Variants in IPO11 observed in about 807,000 individuals in gnomAD.
IPO11 encodes importin 11.
In IPO11, 66 loss-of-function variants were observed where a neutral mutation model predicts 143.2. That is an observed-to-expected ratio of 0.46 (90% confidence interval 0.38 to 0.57). The LOEUF (loss-of-function observed/expected upper bound fraction) is 0.57. Among genes scored for constraint, IPO11 ranks in the 20% least tolerant of loss-of-function variants. The pLI, the probability that IPO11 is intolerant of heterozygous loss-of-function variation, is 0.00. For synonymous variants in IPO11, 385 were observed against 377.8 expected, an observed-to-expected ratio of 1.02 and a Z score of -0.22; for missense variants, 1,026 against 1,141.0, an observed-to-expected ratio of 0.90 and a Z score of 1.45.
chr5:62,497,343 C>T (rs73106001), intron 16 of IPO11, among the ~76,000 whole-genome samples: 2,566 of 152,214 alleles, frequency 0.017, 66 homozygotes, highest in African/African-American at 0.059. Flanking sequence ...GTAATATTTT[C>T]CACATATATT....
chr5:62,428,943 G>A (rs757764464), intron 1 of IPO11, among the ~76,000 whole-genome samples: 9 of 152,038 alleles, frequency 5.9e-5, no homozygotes, highest in Non-Finnish European at 1.0e-4. Context: ...CCGAGATTAC[G>A]CTTGCGCCAC....
At chr5:62,445,641 A>G (rs550964943) in intron 3 of IPO11, among the ~76,000 whole-genome samples, 6 of 152,142 alleles carry the variant, frequency 3.9e-5, no homozygotes, top group Non-Finnish European at 7.3e-5. Flanking sequence ...TTAACATGAG[A>G]TATTTATTAC....
chr5:62,543,761 C>A (rs1743045633), intron 24 of IPO11, among the ~76,000 whole-genome samples: 2 of 152,098 alleles, frequency 1.3e-5, no homozygotes, highest in Admixed American at 1.3e-4. Flanking sequence ...TTCTCTAGTT[C>A]TTTTAATTGT....
At chr5:62,487,037 T>C (rs1188925757) in intron 12 of IPO11, among the ~76,000 whole-genome samples, 2 of 152,170 alleles carry the variant, frequency 1.3e-5, no homozygotes, top group Admixed American at 1.3e-4. Flanking sequence ...TAAAAAATTA[T>C]TTTAAAAAAT....
chr5:62,437,471 A>T (rs998949002), intron 2 of IPO11, 54 bp downstream of exon 2: 5 of 1,497,080 alleles, frequency 3.3e-6, no homozygotes, highest in African/African-American at 2.8e-5. Flanking sequence ...AGACAACATT[A>T]ATTTGTTTTA....
rs1561322748 is a variant in IPO11, at chr5:62,467,200, G to A, written c.586G>A (p.Val196Ile). Residue 196 changes from valine (V) to isoleucine (I), a missense_variant, in exon 6 of 30, where the codon GTT (valine) becomes ATT (isoleucine). Physicochemically the swap from Val to Ile is conservative, Grantham distance 29. This residue lies in a region of IPO11 where 429 missense variants were observed against 456.3 expected (regional missense o/e 0.94). Coordinates refer to ENST00000325324, the MANE Select transcript of IPO11 (RefSeq NM_016338.5). ...NHHTDTFLQEVSSGNEAAILS... is the reference protein window; with the variant it reads ...NHHTDTFLQEISSGNEAAILS... ...CCACACAGACACATTCCTGCAAGAA[G>A]TTTCTTCTGGCAATGAAGCTGCAAT... The A allele has an allele frequency of 1.9e-6, 3 of 1,614,010 alleles. No individual in the cohort carries two copies. The highest frequency in any genetic ancestry group is 2.5e-6 in the Non-Finnish European group (3 of 1,179,950).
chr5:62,513,114 G>A (rs1211538226), intron 19 of IPO11, among the ~76,000 whole-genome samples: 402 of 149,780 alleles, frequency 2.7e-3, no homozygotes, highest in African/African-American at 9.0e-3. Context: ...CCTCCCAGAC[G>A]GGGTGGTGGC....
chr5:62,431,787 A>G (rs986947229), intron 1 of IPO11, among the ~76,000 whole-genome samples: 17 of 152,086 alleles, frequency 1.1e-4, no homozygotes, highest in African/African-American at 3.9e-4. Context: ...TTAAAAATAT[A>G]AAAGTTAGCC....
At position 62,485,342 on chromosome 5, in the gene IPO11, T is replaced by C. The variant is rs1746360314; in HGVS notation, c.1175-77T>C. The C allele has an allele frequency of 1.8e-5, 20 of 1,137,030 alleles. No individual in the cohort carries two copies. In the East Asian group the frequency reaches 4.5e-4, roughly 26 times the overall value. 70.4% of individuals were successfully genotyped at this position (1,137,030 alleles called of 1,614,324 possible). ...TGTTTAAAAGAGTTCACAAAAATAT[T>C]ATACTGATGTTATTAAAATCTTTGT... On this transcript the variant is annotated intron_variant, in intron 11 of 29. Transcript: ENST00000325324.
intron 7 of IPO11, among the ~76,000 whole-genome samples, chr5:62,471,393 A>T (rs1745768662): frequency 1.3e-5 from 2 of 152,156 alleles, no homozygotes; most frequent in Non-Finnish European, 2.9e-5. Context: ...AAATGAGTTT[A>T]AAACCCATAA....
At chr5:62,463,854 C>T (rs77567059) in intron 5 of IPO11, among the ~76,000 whole-genome samples, 2,182 of 150,640 alleles carry the variant, frequency 0.014, 50 homozygotes, top group African/African-American at 0.05. Context: ...GACAGAGTCT[C>T]GCTCTGTTAC....
At chr5:62,449,703 T>G (rs1173836881) in intron 3 of IPO11, 1 of 349,712 alleles carries the variant, frequency 2.9e-6, no homozygotes, top group Non-Finnish European at 5.2e-6. Context: ...ATAATCTTAT[T>G]CATTTACCAG....
chr5:62,537,147 T>C, intron 23 of IPO11, 62 bp from the exon 24 acceptor site: 1 of 962,228 alleles, frequency 1.0e-6, no homozygotes, highest in Non-Finnish European at 1.6e-6. Context: ...CAAATGAAAT[T>C]TTATGCCTTT....
At position 62,541,292 on chromosome 5, in the gene IPO11, A is replaced by G. The variant is rs543535988; in HGVS notation, c.2250+4003A>G. On this transcript the variant is annotated intron_variant, in intron 24 of 29. Coordinates refer to ENST00000325324, the MANE Select transcript of IPO11 (RefSeq NM_016338.5). ...AGGCTGAGGCAGGGTGATCGCTTGA[A>G]CCCGGGAGGCAGAGGTTGTGGTGAG... is the stretch of plus-strand genomic sequence containing the variant. 2.1e-4 allele frequency among the ~76,000 whole-genome samples: 31 copies of G among 150,742 alleles called. 1 individual carries two copies. The highest frequency in any genetic ancestry group is 7.1e-4 in the African/African-American group (29 of 40,940).
chr5:62,480,679 T>C (rs919156660), intron 9 of IPO11, among the ~76,000 whole-genome samples: 8 of 152,130 alleles, frequency 5.3e-5, no homozygotes, highest in African/African-American at 1.7e-4. Flanking sequence ...GATTCCTAGG[T>C]ATTTTATTCT....
chr5:62,550,537 G>A, intron 25 of IPO11, 75 bp downstream of exon 25: 4 of 950,020 alleles, frequency 4.2e-6, no homozygotes, highest in Non-Finnish European at 6.3e-6. Context: ...GTTAGATACA[G>A]AAGGAAAGCT....
intron 9 of IPO11, among the ~76,000 whole-genome samples, chr5:62,480,210 T>G (rs1202461043): frequency 6.6e-6 from 1 of 152,338 alleles, no homozygotes; most frequent in Admixed American, 6.5e-5. Context: ...TTTCGCCATT[T>G]CTTGTTTTTG....
chr5:62,576,479 A>G (rs1032580355), intron 27 of IPO11, among the ~76,000 whole-genome samples: 7 of 152,242 alleles, frequency 4.6e-5, no homozygotes, highest in East Asian at 1.9e-4. Context: ...ATTGGTTTAT[A>G]TATAGATGGT....
At chr5:62,561,526 T>G (rs562218521) in intron 27 of IPO11, among the ~76,000 whole-genome samples, 2 of 152,250 alleles carry the variant, frequency 1.3e-5, no homozygotes, top group East Asian at 3.9e-4. Context: ...ATTTCCATTT[T>G]TTATAATTAC....
Sources: gnomAD v4.1 joint callset for allele counts (sites outside exome capture counted in the v4.1 genomes callset) on GRCh38, gnomAD v4.1.1 for gene constraint, gnomAD v4.1.1 regional missense constraint, MANE v1.5 for transcripts, NCBI Gene and HGNC (gene_info 2026-07-23, HGNC 2026-07-21) for gene names.